Variants in ATXN1 observed in about 807,000 individuals in gnomAD.
The protein encoded by ATXN1 is ataxin-1.
ATXN1 carries 8 observed loss-of-function variants against 56.4 expected under a neutral mutation model. The ratio of observed to expected loss-of-function variants is 0.14; its 90% confidence interval spans 0.08 to 0.26. The LOEUF is 0.26. Ranked by LOEUF, ATXN1 falls within the 10% of genes least tolerant of loss-of-function variation. The probability of loss-of-function intolerance (pLI) is 1.00; values close to 1 mark genes in which losing one functional copy is unlikely to be tolerated. For missense variants in ATXN1, 987 were observed against 1,106.5 expected, an observed-to-expected ratio of 0.89 and a Z score of 1.53; for synonymous variants, 514 against 494.6, an observed-to-expected ratio of 1.04 and a Z score of -0.52.
At chr6:16,628,361 T>A (rs1763443907) in intron 3 of ATXN1, among the ~76,000 whole-genome samples, 1 of 152,218 alleles carries the variant, frequency 6.6e-6, no homozygotes. Flanking sequence ...TCTTAGAAGC[T>A]CCCTCTAGTG....
rs150257820 is a variant in ATXN1 at position 16,378,603 on chromosome 6, A to G, written c.-160-50133T>C. ...GAGACAGGGTCTCACTCTGTCACCGAGGCTGGAGTGCAGTGGTGCAATCAC... is the reference window on the plus strand; with the variant it reads ...GAGACAGGGTCTCACTCTGTCACCGGGGCTGGAGTGCAGTGGTGCAATCAC... On this transcript the variant is annotated intron_variant, in intron 6 of 7. Transcript: ENST00000436367. Among the ~76,000 whole-genome samples, 1,012 of 152,096 alleles carry G rather than the reference A, an allele frequency of 6.7e-3. 9 individuals are homozygous for G. Among genetic ancestry groups the G allele is most frequent in the African/African-American group, 0.023 (964 of 41,452 alleles).
chr6:16,353,315 C>T (rs1296698911), intron 6 of ATXN1, among the ~76,000 whole-genome samples: 4 of 152,162 alleles, frequency 2.6e-5, no homozygotes, highest in African/African-American at 9.7e-5. Flanking sequence ...AGGAAAAGCG[C>T]TCATAGAATG....
At chr6:16,594,981 A>G (rs950349261) in intron 3 of ATXN1, among the ~76,000 whole-genome samples, 32 of 152,298 alleles carry the variant, frequency 2.1e-4, no homozygotes, top group African/African-American at 7.0e-4. Flanking sequence ...AAGACTCCCC[A>G]TGACCTTCTT....
intron 3 of ATXN1, among the ~76,000 whole-genome samples, chr6:16,594,203 T>C (rs1190474528): frequency 6.7e-6 from 1 of 150,204 alleles, no homozygotes; most frequent in Non-Finnish European, 1.5e-5. Context: ...TTTTTTCAGC[T>C]TCGTTTTTTT....
Position 16,327,468 on chromosome 6 carries a change from G to C in ATXN1, c.843C>G (p.Leu281=). ...CGACCTGGGAGGGGGGCCCCAGGGT[G>C]AGCGTGTGTGGGATCATCGTCTGGT... ...HPHQTMIPHT[L]TLGPPSQVVM... The change falls in exon 7 of 8, where the codon CTC becomes CTG. Residue 281 remains leucine, a synonymous_variant. Transcript: ENST00000436367. 1 of 1,613,496 alleles carries C rather than the reference G, an allele frequency of 6.2e-7. No individual in the cohort carries two copies. The highest frequency in any genetic ancestry group is 8.5e-7 in the Non-Finnish European group (1 of 1,179,940).
chr6:16,606,888 T>TGTGTGTGTGTGTGTG (rs145108851), intron 3 of ATXN1, among the ~76,000 whole-genome samples: 23 of 147,024 alleles, frequency 1.6e-4, no homozygotes, highest in South Asian at 2.2e-4. Context: ...TGTGTGTGTG[T>TGTGTGTGTGTGTGTG]TGTTTGTTTG....
At chr6:16,701,946 G>A (rs550985158) in intron 2 of ATXN1, among the ~76,000 whole-genome samples, 1 of 152,094 alleles carries the variant, frequency 6.6e-6, no homozygotes, top group Non-Finnish European at 1.5e-5. Flanking sequence ...TCCCCATCAA[G>A]CTACCAATGA....
At chr6:16,553,663 G>A (rs1292614421) in intron 4 of ATXN1, among the ~76,000 whole-genome samples, 1 of 152,128 alleles carries the variant, frequency 6.6e-6, no homozygotes, top group Non-Finnish European at 1.5e-5. Context: ...TCTGAATAAT[G>A]GCTATTTACT....
intron 6 of ATXN1, among the ~76,000 whole-genome samples, chr6:16,337,430 C>T (rs563227989): frequency 2.6e-4 from 39 of 152,344 alleles, no homozygotes; most frequent in African/African-American, 8.4e-4. Context: ...CCCTAGAAGC[C>T]GGCTCACATG....
chr6:16,605,010 GAA>G (rs1380567439), intron 3 of ATXN1, among the ~76,000 whole-genome samples: 2 of 152,306 alleles, frequency 1.3e-5, no homozygotes, highest in African/African-American at 4.8e-5. Flanking sequence ...CATAACAAGA[GAA>G]AGTGTTAAAC....
intron 3 of ATXN1, among the ~76,000 whole-genome samples, chr6:16,599,313 C>T (rs866067870): frequency 3.1e-4 from 47 of 152,116 alleles, no homozygotes; most frequent in Middle Eastern, 3.4e-3. Context: ...CAGCCTCATG[C>T]AAAAACAGAT....
chr6:16,590,207 T>A (rs236979), intron 3 of ATXN1, among the ~76,000 whole-genome samples: 9,674 of 152,286 alleles, frequency 0.064, 405 homozygotes, highest in African/African-American at 0.12. Flanking sequence ...ATGTCTGAAT[T>A]AATAGCAAGC....
At chr6:16,454,125 C>CAAAAAAAAAAAAAAAAAA (rs56277549) in intron 6 of ATXN1, among the ~76,000 whole-genome samples, 9 of 76,668 alleles carry the variant, frequency 1.2e-4, no homozygotes, top group South Asian at 9.4e-4. Context: ...GACTCTGTCT[C>CAAAAAAAAAAAAAAAAAA]AAAAAAAAAA....
intron 2 of ATXN1, among the ~76,000 whole-genome samples, chr6:16,663,890 T>C (rs769133490): frequency 4.6e-5 from 7 of 152,124 alleles, no homozygotes; most frequent in Non-Finnish European, 7.4e-5. Flanking sequence ...ACTCTTAGGA[T>C]TGTACCCACA....
chr6:16,521,302 G>A (rs998135556), intron 5 of ATXN1, among the ~76,000 whole-genome samples: 5 of 152,326 alleles, frequency 3.3e-5, no homozygotes, highest in South Asian at 4.1e-4. Context: ...GGTGGCTCAC[G>A]CCTGTAATCC....
At chr6:16,662,466 G>A (rs1036956729) in intron 2 of ATXN1, among the ~76,000 whole-genome samples, 1 of 152,110 alleles carries the variant, frequency 6.6e-6, no homozygotes, top group African/African-American at 2.4e-5. Context: ...CCAAGTAGCT[G>A]GGATTACAGG....
At chr6:16,675,337 C>T (rs968834021) in intron 2 of ATXN1, among the ~76,000 whole-genome samples, 21 of 152,186 alleles carry the variant, frequency 1.4e-4, no homozygotes, top group African/African-American at 5.1e-4. Flanking sequence ...TCAATTGCAC[C>T]ATAGTCCCAT....
At chr6:16,662,322 C>A (rs979469658) in intron 2 of ATXN1, among the ~76,000 whole-genome samples, 14 of 129,024 alleles carry the variant, frequency 1.1e-4, no homozygotes, top group African/African-American at 4.7e-4. Flanking sequence ...GCATCTGCAT[C>A]TTCATCAAAC....
intron 6 of ATXN1, among the ~76,000 whole-genome samples, chr6:16,470,867 C>G (rs898253419): frequency 6.6e-6 from 1 of 152,082 alleles, no homozygotes; most frequent in Admixed American, 6.5e-5. Context: ...TCCTTCCAAC[C>G]CTTAGCCTTT....
Sources: gnomAD v4.1 joint callset for allele counts (sites outside exome capture counted in the v4.1 genomes callset) on GRCh38, gnomAD v4.1.1 for gene constraint, MANE v1.5 for transcripts, NCBI Gene and HGNC (gene_info 2026-07-23, HGNC 2026-07-21) for gene names.